DR1: variants seen among roughly 807,000 people sequenced by gnomAD.
DR1 encodes the protein protein Dr1.
DR1 carries 7 observed loss-of-function variants against 19.9 expected under a neutral mutation model. That is an observed-to-expected ratio of 0.35 (90% CI 0.20 to 0.66). The LOEUF is 0.66. Ranked by LOEUF, DR1 falls within the 30% of genes least tolerant of loss-of-function variation. DR1 has a pLI of 0.66. For missense variants in DR1, 98 were observed against 203.7 expected (o/e 0.48, Z 3.16); for synonymous variants, 76 against 72.5 (o/e 1.05, Z -0.24).
chr1:93,353,844 C>G (rs1417342398), intron 1 of DR1, 64 bp from the exon 2 acceptor site: 7 of 1,393,462 alleles, frequency 5.0e-6, no homozygotes, highest in Non-Finnish European at 6.7e-6. Context: ...AACTTTAGGT[C>G]TACGGGTTGG....
At position 93,346,882 on chromosome 1, in the gene DR1, A is replaced by G. The variant is rs1392274561; in HGVS notation, c.220+17A>G. 6.3e-7 allele frequency: 1 copy of G among 1,593,948 alleles called. No individual in the cohort carries two copies. The highest frequency in any genetic ancestry group is 1.3e-5 in the African/African-American group (1 of 74,662). The stretch of plus-strand genomic sequence containing the variant: ...TCATACAAGGTAAGTCGTGTGTGAG[A>G]GCTGGTTTGAATGAGGTTCTAGGGT... On this transcript the variant is annotated intron_variant, in intron 1 of 2. Transcript: ENST00000370272.
chr1:93,350,700 A>C (rs1666904423), intron 1 of DR1, among the ~76,000 whole-genome samples: 1 of 152,124 alleles, frequency 6.6e-6, no homozygotes, highest in South Asian at 2.1e-4. Flanking sequence ...AAGCTGAAAA[A>C]TGTGCAAAGT....
intron 2 of DR1, chr1:93,354,896 T>TA (rs1256938477): frequency 6.6e-6 from 1 of 152,170 alleles, no homozygotes. Context: ...AAGAAAAACT[T>TA]ACATTTATTG....
At chr1:93,357,508 C>T (rs1348264434) in intron 2 of DR1, among the ~76,000 whole-genome samples, 2 of 131,382 alleles carry the variant, frequency 1.5e-5, no homozygotes, top group African/African-American at 5.6e-5. Context: ...CATAGCAAGA[C>T]CCCATCTCTA....
In DR1 at chr1:93,346,014, G is replaced by GGCGGCA. The variant is rs1467254629; in HGVS notation, c.-629_-624dup. On this transcript the variant is annotated 5_prime_UTR_variant, in exon 1 of 3. Coordinates refer to ENST00000370272, the MANE Select transcript of DR1 (RefSeq NM_001938.3). ...ATCTGCGTTCGGGCTACGCGGCCACGGCGGCAGCCACTGCGACTCCCACTG... is the reference window on the plus strand; with the variant it reads ...ATCTGCGTTCGGGCTACGCGGCCACGGCGGCAGCGGCAGCCACTGCGACTCCCACTG... 1 of 154,744 alleles carries GGCGGCA rather than the reference G, an allele frequency of 6.5e-6. No homozygotes were observed. The highest frequency in any genetic ancestry group is 1.9e-4 in the East Asian group (1 of 5,206). 9.6% of individuals were successfully genotyped at this position (154,744 alleles called of 1,614,324 possible).
At chr1:93,357,762 C>T (rs1288193538) in intron 2 of DR1, among the ~76,000 whole-genome samples, 1 of 152,010 alleles carries the variant, frequency 6.6e-6, no homozygotes, top group Non-Finnish European at 1.5e-5. Context: ...AAGGTAATAG[C>T]TTTTCTTCTT....
In DR1 at chr1:93,346,329, C is replaced by T; in HGVS notation, c.-317C>T. On this transcript the variant is annotated 5_prime_UTR_variant, in exon 1 of 3. Coordinates refer to ENST00000370272, the MANE Select transcript of DR1 (RefSeq NM_001938.3). Reference sequence around the variant, plus strand: ...ACCAGTTAGGCGACAGCGCCCGCCCCTCTGAGGAGACACGAAGGTGGTTCC... The same window carrying T: ...ACCAGTTAGGCGACAGCGCCCGCCCTTCTGAGGAGACACGAAGGTGGTTCC... 3 of 383,832 alleles carry T rather than the reference C, an allele frequency of 7.8e-6. No homozygotes were observed. Among genetic ancestry groups the T allele is most frequent in the South Asian group, 7.0e-5 (3 of 42,912 alleles). The allele number at this position is 383,832 out of a possible 1,614,324, so 23.8% of individuals were successfully genotyped here. A position where few individuals can be genotyped will look rare whatever the true frequency, so the allele number is the denominator to read the frequency against.
At chr1:93,359,919 CAG>C (rs1289574014) in intron 2 of DR1, among the ~76,000 whole-genome samples, 2 of 151,962 alleles carry the variant, frequency 1.3e-5, no homozygotes, top group Non-Finnish European at 2.9e-5. Flanking sequence ...ATGAGGGACA[CAG>C]AGAGATAGGC....
In DR1 at chr1:93,361,548, T is replaced by A. The variant is rs190902555; in HGVS notation, c.*909T>A. On this transcript the variant is annotated 3_prime_UTR_variant, in exon 3 of 3. Transcript: ENST00000370272. The stretch of plus-strand genomic sequence containing the variant: ...TTTGCTGGGGGAAAGAAATGAAAGT[T>A]AATGAGCATGCTTGCTATGAGAGAG... 2.0e-4 allele frequency: 31 copies of A among 152,664 alleles called. No individual in the cohort carries two copies. The highest frequency in any genetic ancestry group is 7.5e-4 in the African/African-American group (31 of 41,570). The allele number at this position is 152,664 out of a possible 1,614,324, so 9.5% of individuals were successfully genotyped here.
rs959788498 is a variant in DR1 at position 93,366,264 on chromosome 1, T to C, written c.*5625T>C. 2.0e-5 allele frequency: 3 copies of C among 152,242 alleles called. No homozygotes were observed. The highest frequency in any genetic ancestry group is 4.8e-5 in the African/African-American group (2 of 41,468). The allele number at this position is 152,242 out of a possible 1,614,324, so 9.4% of individuals were successfully genotyped here. On this transcript the variant is annotated 3_prime_UTR_variant, in exon 3 of 3. Transcript: ENST00000370272. ...CTTAAAGGCCAAATATGCCGTAGTATGTAAATACCGTATTTTGTTTATCAG... is the reference window on the plus strand; with the variant it reads ...CTTAAAGGCCAAATATGCCGTAGTACGTAAATACCGTATTTTGTTTATCAG...
rs191751654 is a variant in DR1, at chr1:93,347,731, T to C, written c.220+866T>C. On this transcript the variant is annotated intron_variant, in intron 1 of 2. Coordinates refer to ENST00000370272, the MANE Select transcript of DR1 (RefSeq NM_001938.3). Reference sequence around the variant, plus strand: ...AAAGGATTTGGTCCCGTAATAGGGATTTGGGGGACTGTATTCTGGTGGTTT... The same window carrying C: ...AAAGGATTTGGTCCCGTAATAGGGACTTGGGGGACTGTATTCTGGTGGTTT... Among the ~76,000 whole-genome samples, 619 of 152,218 alleles carry C rather than the reference T, an allele frequency of 4.1e-3. 2 individuals carry two copies. Among genetic ancestry groups the C allele is most frequent in the African/African-American group, 0.014 (563 of 41,530 alleles).
At chr1:93,353,261 TTCTTGTA>T (rs1031516546) in intron 1 of DR1, among the ~76,000 whole-genome samples, 33 of 152,306 alleles carry the variant, frequency 2.2e-4, no homozygotes, top group African/African-American at 7.9e-4. Flanking sequence ...TTATTAGTGC[TTCTTGTA>T]TCTTTATAGT....
chr1:93,359,654 G>A (rs1268428613), intron 2 of DR1, among the ~76,000 whole-genome samples: 1 of 152,130 alleles, frequency 6.6e-6, no homozygotes, highest in Non-Finnish European at 1.5e-5. Flanking sequence ...ACCTTTTTAA[G>A]AACAGGTTCA....
chr1:93,348,059 A>G (rs1046004327), intron 1 of DR1, among the ~76,000 whole-genome samples: 6 of 152,060 alleles, frequency 3.9e-5, no homozygotes, highest in Non-Finnish European at 7.4e-5. Context: ...CCAATATTTT[A>G]CTCTCAGTAT....
At chr1:93,356,063 A>G (rs1666976697) in intron 2 of DR1, among the ~76,000 whole-genome samples, 1 of 152,168 alleles carries the variant, frequency 6.6e-6, no homozygotes, top group South Asian at 2.1e-4. Context: ...AAGAAAAGTG[A>G]ATTAGGAAAT....
At chr1:93,354,166 C>T (rs1449260829) in intron 2 of DR1, 95 bp downstream of exon 2, 15 of 1,246,002 alleles carry the variant, frequency 1.2e-5, no homozygotes, top group African/African-American at 3.1e-5. Flanking sequence ...AGAGGATTCC[C>T]TTTTTCTAGG....
chr1:93,346,147 A>G lies in DR1; in HGVS notation c.-499A>G. On this transcript the variant is annotated 5_prime_UTR_variant, in exon 1 of 3. Coordinates refer to ENST00000370272, the MANE Select transcript of DR1 (RefSeq NM_001938.3). ...GTGAGGCGGCGGCGCGGGTGTCTGA[A>G]GGATGGTTTGGCCGAGGCGGCGGCA... is the stretch of plus-strand genomic sequence containing the variant. 4.4e-6 allele frequency: 1 copy of G among 226,278 alleles called. No homozygotes were observed. The highest frequency in any genetic ancestry group is 5.0e-5 in the South Asian group (1 of 20,190). The allele number at this position is 226,278 out of a possible 1,614,324, so 14.0% of individuals were successfully genotyped here. A position where few individuals can be genotyped will look rare whatever the true frequency, so the allele number is the denominator to read the frequency against.
intron 2 of DR1, chr1:93,355,048 A>C (rs2101637659): frequency 6.6e-6 from 1 of 152,272 alleles, no homozygotes; most frequent in South Asian, 2.1e-4. Flanking sequence ...AATTCATATG[A>C]ATATGAGGTA....
Position 93,363,985 on chromosome 1 carries a change from A to G in DR1, c.*3346A>G, listed in dbSNP as rs964095034. On this transcript the variant is annotated 3_prime_UTR_variant, in exon 3 of 3. Coordinates refer to ENST00000370272, the MANE Select transcript of DR1 (RefSeq NM_001938.3). Reference sequence around the variant, plus strand: ...CTTATACATGTCTTTTGGTGAGTGTATACATTTCCATTGAGTATAAACCTA... The same window carrying G: ...CTTATACATGTCTTTTGGTGAGTGTGTACATTTCCATTGAGTATAAACCTA... 2.6e-5 allele frequency: 4 copies of G among 152,226 alleles called. No homozygotes were observed. Among genetic ancestry groups the G allele is most frequent in the Admixed American group, 1.3e-4 (2 of 15,278 alleles). The allele number at this position is 152,226 out of a possible 1,614,324, so 9.4% of individuals were successfully genotyped here.
Sources: allele counts gnomAD v4.1 joint callset (sites outside exome capture counted in the v4.1 genomes callset), GRCh38; gene constraint gnomAD v4.1.1; transcripts MANE v1.5; gene names NCBI Gene and HGNC (gene_info 2026-07-23, HGNC 2026-07-21).